The following AKAP9 variants were observed in gnomAD, a reference collection of about 807,000 sequenced individuals.
AKAP9 encodes A-kinase anchor protein 9.
Under a neutral mutation model 488.5 loss-of-function variants are expected in AKAP9, and 311 were observed. That is an observed-to-expected ratio of 0.64 (90% confidence interval 0.58 to 0.70). The LOEUF (loss-of-function observed/expected upper bound fraction) is 0.70, where lower values mean the gene tolerates loss of function less well. AKAP9 is among the 30% of genes least tolerant of loss of function. AKAP9 has a pLI of 0.00. For missense variants in AKAP9, 4,215 were observed against 4,374.5 expected (o/e 0.96, Z 1.03); for synonymous variants, 1,462 against 1,483.5 (o/e 0.99, Z 0.33).
intron 5 of AKAP9, among the ~76,000 whole-genome samples, chr7:91,994,178 TGTG>T (rs771184191): frequency 1.3e-5 from 2 of 152,118 alleles, no homozygotes; most frequent in Non-Finnish European, 2.9e-5. Context: ...AGTAACCTCT[TGTG>T]GTTAGACTAA....
intron 1 of AKAP9, among the ~76,000 whole-genome samples, chr7:91,972,599 A>G (rs1795230297): frequency 6.6e-6 from 1 of 152,208 alleles, no homozygotes; most frequent in Non-Finnish European, 1.5e-5. Flanking sequence ...GTTCTGGGAT[A>G]TCGCCAGTAA....
chr7:92,104,612 T>C (rs543819462), intron 46 of AKAP9, among the ~76,000 whole-genome samples: 1 of 152,248 alleles, frequency 6.6e-6, no homozygotes, highest in South Asian at 2.1e-4. Flanking sequence ...CCAGTAGTGA[T>C]AGAGCTAGGA....
At chr7:92,043,401 G>A (rs1806437861) in intron 20 of AKAP9, 1 of 857,976 alleles carries the variant, frequency 1.2e-6, no homozygotes, top group African/African-American at 1.8e-5. Flanking sequence ...AGTTACCACG[G>A]CAATATAAAA....
In AKAP9 at chr7:92,099,684, C is replaced by G; in HGVS notation, c.10714-3C>G. 1 of 1,613,878 alleles carries G rather than the reference C, an allele frequency of 6.2e-7. No individual in the cohort carries two copies. Among genetic ancestry groups the G allele is most frequent in the Non-Finnish European group, 8.5e-7 (1 of 1,179,872 alleles). On this transcript the variant is annotated splice_region_variant and splice_polypyrimidine_tract_variant and intron_variant, in intron 43 of 49. Transcript: ENST00000356239. ...GTGACCTTACACCATTTTATTTTTCCAGCCCAGCTTGGTGTCCCCAAGTAC... is the reference window on the plus strand; with the variant it reads ...GTGACCTTACACCATTTTATTTTTCGAGCCCAGCTTGGTGTCCCCAAGTAC...
At chr7:92,017,879 A>G (rs1466320256) in intron 12 of AKAP9, among the ~76,000 whole-genome samples, 2 of 152,170 alleles carry the variant, frequency 1.3e-5, no homozygotes, top group Non-Finnish European at 2.9e-5. Flanking sequence ...AAAAATCTAT[A>G]AACCTACTCC....
At chr7:92,065,854 G>T (rs1810683528) in intron 25 of AKAP9, among the ~76,000 whole-genome samples, 2 of 152,110 alleles carry the variant, frequency 1.3e-5, no homozygotes, top group Non-Finnish European at 2.9e-5. Flanking sequence ...GTGGCCATTG[G>T]AAATGGGCCC....
intron 25 of AKAP9, among the ~76,000 whole-genome samples, 193 bp downstream of exon 25, chr7:92,065,656 CAG>C (rs1263967949): frequency 2.6e-5 from 4 of 152,042 alleles, no homozygotes; most frequent in East Asian, 1.9e-4. Flanking sequence ...GTGCAGCACT[CAG>C]AATTAAAATC....
chr7:92,058,683 G>C lies in AKAP9; in HGVS notation c.5602-2577G>C, dbSNP rs1475190381. 2.0e-5 allele frequency among the ~76,000 whole-genome samples: 3 copies of C among 152,070 alleles called. No individual in the cohort carries two copies. In the South Asian group the frequency reaches 6.2e-4, roughly 32 times the overall value. On this transcript the variant is annotated intron_variant, in intron 22 of 49. Transcript: ENST00000356239. ...TTCCTTAAGATTCTTGCTTTTGTAT[G>C]TTTATCATGCCAATCCTGAATAAGA... is the stretch of plus-strand genomic sequence containing the variant.
intron 20 of AKAP9, among the ~76,000 whole-genome samples, chr7:92,044,445 G>A (rs762643059): frequency 9.9e-5 from 15 of 152,028 alleles, no homozygotes; most frequent in Non-Finnish European, 1.9e-4. Context: ...AAAACACATC[G>A]CTGCCTAACT....
intron 1 of AKAP9, among the ~76,000 whole-genome samples, chr7:91,965,823 A>G (rs1794373823): frequency 6.6e-6 from 1 of 152,136 alleles, no homozygotes; most frequent in Non-Finnish European, 1.5e-5. Flanking sequence ...GACCATTTGT[A>G]TGTATTCTCT....
intron 1 of AKAP9, among the ~76,000 whole-genome samples, chr7:91,947,328 A>G (rs1341985570): frequency 6.6e-6 from 1 of 151,900 alleles, no homozygotes; most frequent in East Asian, 1.9e-4. Flanking sequence ...GCAGCTATGA[A>G]CTTTTACTTA....
At chr7:92,073,263 G>A (rs190935828) in intron 28 of AKAP9, among the ~76,000 whole-genome samples, 24 of 151,932 alleles carry the variant, frequency 1.6e-4, no homozygotes, top group Admixed American at 2.6e-4. Context: ...TTGGGAGGCC[G>A]AGGTGGGTGG....
chr7:92,073,028 G>T (rs1396305321), intron 28 of AKAP9, among the ~76,000 whole-genome samples: 9 of 151,916 alleles, frequency 5.9e-5, no homozygotes, highest in African/African-American at 2.2e-4. Flanking sequence ...AAAGCATTGG[G>T]GCCCATTTTG....
At chr7:92,091,100 T>C (rs1235755076) in intron 38 of AKAP9, among the ~76,000 whole-genome samples, 3 of 152,200 alleles carry the variant, frequency 2.0e-5, no homozygotes, top group Non-Finnish European at 4.4e-5. Context: ...TAGGTACTTT[T>C]TGATAACAGT....
At position 92,002,474 on chromosome 7, in the gene AKAP9, G is replaced by C. The variant is rs1192314081; in HGVS notation, c.2557G>C (p.Ala853Pro). ...AAAGCAAAGGAACACTTTTTCATTT[G>C]CTGAAAAAAACTTTGAAGTTAACTA... Reference protein sequence around the residue: ...IEKQRNTFSFAEKNFEVNYQE... With the variant: ...IEKQRNTFSFPEKNFEVNYQE... Residue 853 changes from alanine to proline, a missense_variant, in exon 8 of 50, where the codon GCT (alanine) becomes CCT (proline). Transcript: ENST00000356239. 1.9e-6 allele frequency: 3 copies of C among 1,609,288 alleles called. No individual in the cohort carries two copies. Among genetic ancestry groups the C allele is most frequent in the Non-Finnish European group, 2.5e-6 (3 of 1,178,720 alleles).
chr7:92,086,483 CTTAAT>C, intron 37 of AKAP9, 67 bp downstream of exon 37: 2 of 1,326,718 alleles, frequency 1.5e-6, no homozygotes, highest in Admixed American at 1.7e-5. Context: ...ATTTTAGAGT[CTTAAT>C]TTAAGTATGA....
At chr7:92,009,682 C>T (rs1048755890) in intron 8 of AKAP9, among the ~76,000 whole-genome samples, 20 of 152,072 alleles carry the variant, frequency 1.3e-4, no homozygotes, top group South Asian at 2.1e-4. Context: ...AATATTGATA[C>T]GAAGACCTGA....
Position 92,070,091 on chromosome 7 carries a change from C to T in AKAP9, c.6392C>T (p.Ser2131Phe). The part of the protein sequence containing the change: ...KTDKCSELLL[S>F]KEQLQRDIQE... ...GACAAATGCAGTGAGCTTTTGCTCT[C>T]TAAAGAGCAGCTTCAAAGGGATATA... is the stretch of plus-strand genomic sequence containing the variant. Residue 2131 changes from serine to phenylalanine, a missense_variant, in exon 27 of 50, where the codon TCT becomes TTT. Ser to Phe is a radical substitution (Grantham distance 155). Coordinates refer to ENST00000356239, the MANE Select transcript of AKAP9 (RefSeq NM_005751.5). The T allele has an allele frequency of 1.2e-6, 2 of 1,613,856 alleles. No homozygotes were observed. The highest frequency in any genetic ancestry group is 1.7e-6 in the Non-Finnish European group (2 of 1,179,882).
intron 1 of AKAP9, among the ~76,000 whole-genome samples, chr7:91,969,794 A>G (rs113809510): frequency 3.3e-5 from 5 of 152,148 alleles, no homozygotes; most frequent in Admixed American, 6.5e-5. Context: ...GTCTGTGCGC[A>G]TTCTTAATAG....
Sources: allele counts gnomAD v4.1 joint callset (sites outside exome capture counted in the v4.1 genomes callset), GRCh38; gene constraint gnomAD v4.1.1; transcripts MANE v1.5; gene names NCBI Gene and HGNC (gene_info 2026-07-23, HGNC 2026-07-21).